The following KIAA0232 variants were observed in gnomAD, a reference collection of about 807,000 sequenced individuals.
KIAA0232 encodes uncharacterized protein KIAA0232.
In KIAA0232, 27 loss-of-function variants were observed where a neutral mutation model predicts 122.0. The ratio of observed to expected loss-of-function variants is 0.22; its 90% CI spans 0.16 to 0.31. The LOEUF (loss-of-function observed/expected upper bound fraction) is 0.31. Among genes scored for constraint, KIAA0232 ranks in the 10% least tolerant of loss-of-function variants. The probability of loss-of-function intolerance (pLI) is 1.00; values close to 1 mark genes in which losing one functional copy is unlikely to be tolerated. For synonymous variants in KIAA0232, 613 were observed against 587.6 expected, an observed-to-expected ratio of 1.04 and a Z score of -0.63; for missense variants, 1,551 against 1,634.2, an observed-to-expected ratio of 0.95 and a Z score of 0.88.
chr4:6,839,856 G>T (rs929130202), intron 3 of KIAA0232, among the ~76,000 whole-genome samples: 1 of 152,168 alleles, frequency 6.6e-6, no homozygotes, highest in Non-Finnish European at 1.5e-5. Flanking sequence ...GTGGGCTGAA[G>T]ACCTAGTAGG....
chr4:6,787,454 A>C (rs530263042), intron 1 of KIAA0232, among the ~76,000 whole-genome samples: 3 of 152,308 alleles, frequency 2.0e-5, no homozygotes, highest in South Asian at 2.1e-4. Flanking sequence ...TTTGTAGTAC[A>C]TTTAAAGAGG....
At chr4:6,838,009 T>C (rs1222272404) in intron 3 of KIAA0232, among the ~76,000 whole-genome samples, 1 of 152,156 alleles carries the variant, frequency 6.6e-6, no homozygotes, top group African/African-American at 2.4e-5. Flanking sequence ...TTCTGGATAT[T>C]AGCCCTTTGT....
At chr4:6,801,919 T>G (rs1038663501) in intron 1 of KIAA0232, among the ~76,000 whole-genome samples, 5 of 152,162 alleles carry the variant, frequency 3.3e-5, no homozygotes, top group African/African-American at 1.2e-4. Context: ...ACCTTCCAGA[T>G]AAAGTTTGTA....
In KIAA0232 at chr4:6,792,691, T is replaced by TTG. The variant is rs1553826858; in HGVS notation, c.-354+9851_-354+9852insGT. ...TCTTGATAGTCTTAGGTTTTTTTTT[T>TTG]TTTGTTTTTTTTTTTTGAGACAGAG... is the stretch of plus-strand genomic sequence containing the variant. On this transcript the variant is annotated intron_variant, in intron 1 of 9. Transcript: ENST00000307659. 7.4e-5 allele frequency among the ~76,000 whole-genome samples: 9 copies of TTG among 121,956 alleles called. No homozygotes were observed. The East Asian group carries it at 1.8e-3, about 25-fold the overall frequency. 80.0% of individuals were successfully genotyped at this position (121,956 alleles called of 152,430 possible).
At chr4:6,783,231 C>G (rs1716436839) in intron 1 of KIAA0232, among the ~76,000 whole-genome samples, 1 of 152,208 alleles carries the variant, frequency 6.6e-6, no homozygotes, top group Non-Finnish European at 1.5e-5. Context: ...CTGGTGGTGC[C>G]CGGGCGTGCG....
In KIAA0232 at chr4:6,847,723, A is replaced by AG. The variant is rs561756303; in HGVS notation, c.369+5521dup. On this transcript the variant is annotated intron_variant, in intron 4 of 9. Coordinates refer to ENST00000307659, the MANE Select transcript of KIAA0232 (RefSeq NM_014743.3). ...AGGAATGGTATTGTGAATCAGCCAT[A>AG]GGCAATTCAGCCCTCCTCCAGATGC... Among the ~76,000 whole-genome samples, 62 of 152,344 alleles carry AG rather than the reference A, an allele frequency of 4.1e-4. 1 individual carries two copies. In the South Asian group the frequency reaches 0.011, roughly 26 times the overall value.
intron 1 of KIAA0232, among the ~76,000 whole-genome samples, chr4:6,784,384 C>T (rs1356515649): frequency 6.6e-6 from 1 of 151,856 alleles, no homozygotes; most frequent in Non-Finnish European, 1.5e-5. Context: ...AAGACCCGTT[C>T]CAGAACACTT....
chr4:6,804,251 C>A (rs567908385), intron 1 of KIAA0232, among the ~76,000 whole-genome samples: 1 of 152,118 alleles, frequency 6.6e-6, no homozygotes, highest in Non-Finnish European at 1.5e-5. Flanking sequence ...CCTGCTCTAG[C>A]GGGCCTCCCT....
Position 6,862,420 on chromosome 4 carries a change from A to G in KIAA0232, c.2038A>G (p.Met680Val), listed in dbSNP as rs1485178631. ...TGAAAATACAGATTCTAGTGCTAATATGCTTGGGAAAACACAGTCTAGATT... is the reference window on the plus strand; with the variant it reads ...TGAAAATACAGATTCTAGTGCTAATGTGCTTGGGAAAACACAGTCTAGATT... ...GNENTDSSANMLGKTQSRLLI... is the reference protein window; with the variant it reads ...GNENTDSSANVLGKTQSRLLI... The change falls in exon 7 of 10, where the codon ATG (methionine) becomes GTG (valine). Residue 680 changes from methionine (M) to valine (V), a missense_variant. By Grantham distance (21) the Met-to-Val change is conservative. This residue lies in a region of KIAA0232 where 1,108 missense variants were observed against 1,154.8 expected (regional missense o/e 0.96). Transcript: ENST00000307659. 1.9e-6 allele frequency: 3 copies of G among 1,614,174 alleles called. No homozygotes were observed. The highest frequency in any genetic ancestry group is 2.5e-6 in the Non-Finnish European group (3 of 1,180,014).
intron 7 of KIAA0232, among the ~76,000 whole-genome samples, chr4:6,869,258 A>G (rs959969623): frequency 1.3e-5 from 2 of 152,232 alleles, no homozygotes; most frequent in African/African-American, 4.8e-5. Context: ...AAAGATAAGC[A>G]GTGTATTTAA....
intron 1 of KIAA0232, among the ~76,000 whole-genome samples, chr4:6,803,722 TTA>T (rs1348717779): frequency 2.0e-5 from 3 of 152,348 alleles, no homozygotes; most frequent in African/African-American, 2.4e-5. Flanking sequence ...AAGTGGATTT[TTA>T]TGTTTAATGT....
intron 4 of KIAA0232, among the ~76,000 whole-genome samples, chr4:6,846,821 T>G (rs909717252): frequency 6.6e-6 from 1 of 152,142 alleles, no homozygotes; most frequent in Non-Finnish European, 1.5e-5. Flanking sequence ...TCGAAAATTA[T>G]AATGCACAAT....
chr4:6,811,154 GC>G (rs1455004670), intron 2 of KIAA0232, among the ~76,000 whole-genome samples: 2 of 152,090 alleles, frequency 1.3e-5, no homozygotes, highest in African/African-American at 4.8e-5. Flanking sequence ...AGATACCTGT[GC>G]TCGTATGTTT....
rs1720610470 is a variant in KIAA0232 at position 6,857,158 on chromosome 4, A to C, written c.370-6A>C. 3.7e-6 allele frequency: 6 copies of C among 1,602,038 alleles called. No homozygotes were observed. The highest frequency in any genetic ancestry group is 4.3e-6 in the Non-Finnish European group (5 of 1,174,224). ...TAACCTAATGTGTCTTTTTGTTGTCATGCAGAGCTCTGGTATCGAGACTTT... is the reference window on the plus strand; with the variant it reads ...TAACCTAATGTGTCTTTTTGTTGTCCTGCAGAGCTCTGGTATCGAGACTTT... On this transcript the variant is annotated splice_region_variant and splice_polypyrimidine_tract_variant and intron_variant, in intron 4 of 9. Coordinates refer to ENST00000307659, the MANE Select transcript of KIAA0232 (RefSeq NM_014743.3).
At chr4:6,824,806 C>T in intron 3 of KIAA0232, 122 bp downstream of exon 3, 2 of 791,490 alleles carry the variant, frequency 2.5e-6, no homozygotes, top group Non-Finnish European at 4.1e-6. Flanking sequence ...AACATTTAAC[C>T]TGTCAGTGAC....
chr4:6,821,810 A>G (rs193049641), intron 2 of KIAA0232, among the ~76,000 whole-genome samples: 1 of 152,040 alleles, frequency 6.6e-6, no homozygotes, highest in East Asian at 1.9e-4. Context: ...TTGTGCTGCT[A>G]TAAATACGAA....
intron 3 of KIAA0232, among the ~76,000 whole-genome samples, chr4:6,832,984 C>T (rs573098711): frequency 1.3e-5 from 2 of 152,280 alleles, no homozygotes; most frequent in East Asian, 3.9e-4. Context: ...ATAATAATCC[C>T]AGTCCTGAGT....
chr4:6,838,897 G>T (rs1041404222), intron 3 of KIAA0232, among the ~76,000 whole-genome samples: 3 of 152,142 alleles, frequency 2.0e-5, no homozygotes, highest in Middle Eastern at 3.2e-3. Flanking sequence ...GGGAGGCCGA[G>T]GCGGGCAGAT....
Position 6,861,958 on chromosome 4 carries a change from A to G in KIAA0232, c.1576A>G (p.Thr526Ala). 1.9e-6 allele frequency: 3 copies of G among 1,614,146 alleles called. No individual in the cohort carries two copies. The South Asian group carries it at 3.3e-5, about 18-fold the overall frequency. ...CATGTTGGATCCTGGTGCCTCAGAAACAATGCAAGGAGAAAGTCGGATTTT... is the reference window on the plus strand; with the variant it reads ...CATGTTGGATCCTGGTGCCTCAGAAGCAATGCAAGGAGAAAGTCGGATTTT... ...QSMLDPGASE[T>A]MQGESRILNM... Residue 526 changes from threonine (T) to alanine (A), a missense_variant, in exon 7 of 10, where the codon ACA becomes GCA. Coordinates refer to ENST00000307659, the MANE Select transcript of KIAA0232 (RefSeq NM_014743.3).
Sources: gnomAD v4.1 joint callset for allele counts (sites outside exome capture counted in the v4.1 genomes callset) on GRCh38, gnomAD v4.1.1 for gene constraint, gnomAD v4.1.1 regional missense constraint, MANE v1.5 for transcripts, NCBI Gene and HGNC (gene_info 2026-07-23, HGNC 2026-07-21) for gene names.